FSTL5: variants seen among roughly 807,000 people sequenced by gnomAD.
FSTL5 encodes follistatin like 5.
Under a neutral mutation model 89.1 loss-of-function variants are expected in FSTL5, and 62 were observed. The ratio of observed to expected loss-of-function variants is 0.70; its 90% confidence interval spans 0.57 to 0.86. The LOEUF (loss-of-function observed/expected upper bound fraction) is 0.86, where lower values mean the gene tolerates loss of function less well. Among genes scored for constraint, FSTL5 ranks in the 40% least tolerant of loss-of-function variants. The probability of loss-of-function intolerance (pLI) is 0.00; values close to 1 mark genes in which losing one functional copy is unlikely to be tolerated. For missense variants in FSTL5, 1,057 were observed against 1,001.6 expected (o/e 1.06, Z -0.75); for synonymous variants, 383 against 346.2 (o/e 1.11, Z -1.18).
intron 4 of FSTL5, among the ~76,000 whole-genome samples, chr4:161,895,617 G>T (rs1439654591): frequency 1.3e-5 from 2 of 152,074 alleles, no homozygotes; most frequent in Non-Finnish European, 2.9e-5. Flanking sequence ...ATATGTCATG[G>T]CAGAAATAGC....
chr4:161,511,473 A>G (rs917784301), intron 10 of FSTL5, among the ~76,000 whole-genome samples: 2 of 152,158 alleles, frequency 1.3e-5, no homozygotes, highest in South Asian at 2.1e-4. Context: ...CCTGCAGCAC[A>G]TTTTATGCTG....
intron 11 of FSTL5, among the ~76,000 whole-genome samples, chr4:161,507,971 G>A (rs1730534551): frequency 6.6e-6 from 1 of 151,510 alleles, no homozygotes; most frequent in Non-Finnish European, 1.5e-5. Context: ...TCTTGGCTAT[G>A]GTAAAGAGGT....
chr4:161,490,303 A>C (rs1161135259), intron 12 of FSTL5, among the ~76,000 whole-genome samples: 1 of 152,142 alleles, frequency 6.6e-6, no homozygotes, highest in African/African-American at 2.4e-5. Flanking sequence ...TTTAGTAATG[A>C]CACATGAGTT....
intron 1 of FSTL5, among the ~76,000 whole-genome samples, chr4:162,144,072 G>T (rs1018930633): frequency 6.6e-6 from 1 of 152,086 alleles, no homozygotes; most frequent in Non-Finnish European, 1.5e-5. Flanking sequence ...AGAGCTTAAA[G>T]CTTTAGTTAT....
At chr4:161,771,294 TAAC>T (rs1741201797) in intron 5 of FSTL5, among the ~76,000 whole-genome samples, 1 of 152,106 alleles carries the variant, frequency 6.6e-6, no homozygotes, top group Non-Finnish European at 1.5e-5. Flanking sequence ...TACGTATAAG[TAAC>T]AAGTACATCA....
intron 4 of FSTL5, among the ~76,000 whole-genome samples, chr4:161,883,021 G>A (rs1732683921): frequency 6.6e-6 from 1 of 152,142 alleles, no homozygotes; most frequent in Admixed American, 6.5e-5. Flanking sequence ...GATCATTGCT[G>A]AAAAATGTAT....
At chr4:161,464,190 C>T (rs1382411460) in intron 13 of FSTL5, among the ~76,000 whole-genome samples, 1 of 152,186 alleles carries the variant, frequency 6.6e-6, no homozygotes, top group Non-Finnish European at 1.5e-5. Flanking sequence ...CTTACCTGAA[C>T]TGACACCTCC....
At chr4:161,614,825 T>G (rs529942482) in intron 7 of FSTL5, among the ~76,000 whole-genome samples, 1 of 152,308 alleles carries the variant, frequency 6.6e-6, no homozygotes, top group Non-Finnish European at 1.5e-5. Flanking sequence ...GGATTAAGTA[T>G]TCACAATTAA....
chr4:161,780,038 TAAAC>T (rs538400562), intron 4 of FSTL5, among the ~76,000 whole-genome samples: 214 of 148,674 alleles, frequency 1.4e-3, no homozygotes, highest in African/African-American at 5.0e-3. Flanking sequence ...AAAATTAAGG[TAAAC>T]AAAATATGTC....
At chr4:161,935,815 A>T (rs947212231) in intron 3 of FSTL5, among the ~76,000 whole-genome samples, 2 of 152,162 alleles carry the variant, frequency 1.3e-5, no homozygotes, top group African/African-American at 4.8e-5. Flanking sequence ...CACATGCTTC[A>T]CAAATCATTT....
chr4:161,551,541 C>T (rs1038265716), intron 8 of FSTL5, among the ~76,000 whole-genome samples: 4 of 151,790 alleles, frequency 2.6e-5, no homozygotes, highest in African/African-American at 9.7e-5. Flanking sequence ...AATCCTAAGC[C>T]AAAAGAACAA....
At chr4:162,128,267 T>C (rs1732162245) in intron 1 of FSTL5, among the ~76,000 whole-genome samples, 1 of 152,136 alleles carries the variant, frequency 6.6e-6, no homozygotes, top group Admixed American at 6.5e-5. Flanking sequence ...AAACCCAGAG[T>C]CTTTTCAAGT....
rs749171203 is a variant in FSTL5 at position 161,766,897 on chromosome 4, ATGATAGATCGAT to A, written c.607-7378_607-7367del. 6.3e-3 allele frequency among the ~76,000 whole-genome samples: 845 copies of A among 133,520 alleles called. 7 individuals carry two copies. Among genetic ancestry groups the A allele is most frequent in the African/African-American group, 0.022 (758 of 33,944 alleles). 87.6% of individuals were successfully genotyped at this position (133,520 alleles called of 152,430 possible). Reference sequence around the variant, plus strand: ...ACAGATACAGATAGATAGACAATAGATGATAGATCGATTGATAGATAGATAGATAGATAGATA... The same window carrying A: ...ACAGATACAGATAGATAGACAATAGATGATAGATAGATAGATAGATAGATA... On this transcript the variant is annotated intron_variant, in intron 5 of 15. Transcript: ENST00000306100.
At chr4:161,912,663 A>T (rs1343798464) in intron 4 of FSTL5, among the ~76,000 whole-genome samples, 1 of 152,114 alleles carries the variant, frequency 6.6e-6, no homozygotes, top group Non-Finnish European at 1.5e-5. Context: ...TAATACAGTA[A>T]ATTGGTACCA....
At chr4:161,624,065 A>T (rs1217182462) in intron 7 of FSTL5, among the ~76,000 whole-genome samples, 1 of 152,054 alleles carries the variant, frequency 6.6e-6, no homozygotes. Context: ...GACAATGGAG[A>T]AAAATGCTTC....
intron 3 of FSTL5, among the ~76,000 whole-genome samples, chr4:162,000,469 G>C (rs1736428689): frequency 1.3e-5 from 2 of 151,590 alleles, no homozygotes; most frequent in African/African-American, 2.4e-5. Flanking sequence ...GTGGTGGCAG[G>C]CGCCTGTAAT....
intron 10 of FSTL5, among the ~76,000 whole-genome samples, chr4:161,518,784 C>A (rs1730926145): frequency 6.6e-6 from 1 of 152,202 alleles, no homozygotes; most frequent in African/African-American, 2.4e-5. Flanking sequence ...AACAAACTGT[C>A]TCAAACTTAG....
At chr4:161,777,991 G>A (rs1288761319) in intron 4 of FSTL5, among the ~76,000 whole-genome samples, 2 of 152,126 alleles carry the variant, frequency 1.3e-5, no homozygotes, top group Non-Finnish European at 2.9e-5. Flanking sequence ...CTACTCGGGA[G>A]GCTGAGGCAG....
intron 3 of FSTL5, among the ~76,000 whole-genome samples, chr4:162,031,182 G>GT (rs1330521124): frequency 1.3e-5 from 2 of 152,104 alleles, no homozygotes; most frequent in Non-Finnish European, 2.9e-5. Flanking sequence ...CAGGGCACTG[G>GT]TATCATTACA....
Sources: allele counts gnomAD v4.1 joint callset (sites outside exome capture counted in the v4.1 genomes callset), GRCh38; gene constraint gnomAD v4.1.1; transcripts MANE v1.5; gene names NCBI Gene and HGNC (gene_info 2026-07-23, HGNC 2026-07-21).